The following TMEM178B variants were observed in gnomAD, a reference collection of about 807,000 sequenced individuals.
TMEM178B encodes the protein transmembrane protein 178B.
A neutral mutation model predicts 31.0 loss-of-function variants in TMEM178B; 5 were observed. The ratio of observed to expected loss-of-function variants is 0.16; its 90% CI spans 0.08 to 0.34. The LOEUF is 0.34. Among genes scored for constraint, TMEM178B ranks in the 10% least tolerant of loss-of-function variants. TMEM178B has a pLI of 1.00. For synonymous variants in TMEM178B, 164 were observed against 164.0 expected (o/e 1.00, Z 0.00); for missense variants, 275 against 400.3 (o/e 0.69, Z 2.67).
chr7:141,409,772 G>C (rs963340457), intron 2 of TMEM178B, among the ~76,000 whole-genome samples: 3 of 150,124 alleles, frequency 2.0e-5, no homozygotes, highest in Non-Finnish European at 3.0e-5. Flanking sequence ...TCATGCACTT[G>C]ATATTCCATC....
Position 141,469,881 on chromosome 7 carries a change from G to A in TMEM178B, c.635-655G>A, listed in dbSNP as rs115256438. Reference sequence around the variant, plus strand: ...GTAGATGAGTTACCTTAATATTAACGTGGATGATGCGTGTTCATGGGTGAG... The same window carrying A: ...GTAGATGAGTTACCTTAATATTAACATGGATGATGCGTGTTCATGGGTGAG... On this transcript the variant is annotated intron_variant, in intron 3 of 3. Coordinates refer to ENST00000565468, the MANE Select transcript of TMEM178B (RefSeq NM_001195278.2). Among the ~76,000 whole-genome samples, 644 of 152,140 alleles carry A rather than the reference G, an allele frequency of 4.2e-3. 3 individuals carry two copies. Among genetic ancestry groups the A allele is most frequent in the African/African-American group, 0.015 (618 of 41,410 alleles).
intron 1 of TMEM178B, among the ~76,000 whole-genome samples, chr7:141,100,022 T>C (rs1474134544): frequency 6.6e-6 from 1 of 152,092 alleles, no homozygotes; most frequent in Non-Finnish European, 1.5e-5. Context: ...GGTTTCACCA[T>C]GTTAGCCAGG....
intron 2 of TMEM178B, among the ~76,000 whole-genome samples, chr7:141,380,386 T>G (rs892858694): frequency 2.6e-5 from 4 of 152,238 alleles, no homozygotes; most frequent in African/African-American, 7.2e-5. Flanking sequence ...TTCTGCAGCT[T>G]TAGAAAATGA....
intron 1 of TMEM178B, among the ~76,000 whole-genome samples, chr7:141,143,494 T>G (rs1795807060): frequency 6.6e-6 from 1 of 152,198 alleles, no homozygotes; most frequent in African/African-American, 2.4e-5. Flanking sequence ...CATTGCTTAT[T>G]TTTGTTGACT....
At chr7:141,383,677 A>G (rs932560787) in intron 2 of TMEM178B, among the ~76,000 whole-genome samples, 1 of 152,204 alleles carries the variant, frequency 6.6e-6, no homozygotes, top group African/African-American at 2.4e-5. Flanking sequence ...CACAATAAAC[A>G]TACGTGTGCT....
At chr7:141,399,690 AT>A (rs944351016) in intron 2 of TMEM178B, among the ~76,000 whole-genome samples, 3 of 152,172 alleles carry the variant, frequency 2.0e-5, no homozygotes, top group African/African-American at 7.2e-5. Context: ...TATGGGCATC[AT>A]TTTGTTCGCC....
At chr7:141,249,113 TC>T (rs1797787115) in intron 2 of TMEM178B, among the ~76,000 whole-genome samples, 1 of 152,124 alleles carries the variant, frequency 6.6e-6, no homozygotes, top group Non-Finnish European at 1.5e-5. Flanking sequence ...TTTGACTGTG[TC>T]CCCACCCAAA....
At chr7:141,434,733 A>G (rs1156613671) in intron 2 of TMEM178B, among the ~76,000 whole-genome samples, 2 of 152,092 alleles carry the variant, frequency 1.3e-5, no homozygotes, top group Admixed American at 6.5e-5. Flanking sequence ...ATTTCTTCTA[A>G]CTGTATGTTT....
chr7:141,136,508 A>C (rs542797086), intron 1 of TMEM178B, among the ~76,000 whole-genome samples: 2 of 152,328 alleles, frequency 1.3e-5, no homozygotes, highest in South Asian at 4.1e-4. Flanking sequence ...AACAAAACAA[A>C]ACCAAAAACA....
chr7:141,195,932 A>C (rs868736688), intron 1 of TMEM178B, among the ~76,000 whole-genome samples: 4 of 152,126 alleles, frequency 2.6e-5, no homozygotes, highest in Non-Finnish European at 5.9e-5. Context: ...ACTCACTATC[A>C]CAAGAATAGC....
At chr7:141,303,881 T>C (rs1798768951) in intron 2 of TMEM178B, among the ~76,000 whole-genome samples, 1 of 152,178 alleles carries the variant, frequency 6.6e-6, no homozygotes, top group African/African-American at 2.4e-5. Context: ...ATGCAACATA[T>C]TGCTCTATGT....
Position 141,215,337 on chromosome 7 carries a change from A to ATTATTATTATTATTATTTTT in TMEM178B, c.496+2635_496+2636insATTATTATTATTATTTTTTT, listed in dbSNP as rs55726735. 5.3e-3 allele frequency among the ~76,000 whole-genome samples: 748 copies of ATTATTATTATTATTATTTTT among 141,542 alleles called. 7 individuals carry two copies. Among genetic ancestry groups the ATTATTATTATTATTATTTTT allele is most frequent in the Non-Finnish European group, 8.7e-3 (564 of 65,186 alleles). 92.9% of individuals were successfully genotyped at this position (141,542 alleles called of 152,430 possible). A position where few individuals can be genotyped will look rare whatever the true frequency, so the allele number is the denominator to read the frequency against. ...CATCTTTATTATTATTATTATTATT[A>ATTATTATTATTATTATTTTT]TTTTTTGAGATGGAGTCTCACTCTG... is the stretch of plus-strand genomic sequence containing the variant. On this transcript the variant is annotated intron_variant, in intron 2 of 3. Transcript: ENST00000565468.
intron 2 of TMEM178B, among the ~76,000 whole-genome samples, chr7:141,285,456 C>A (rs1230912073): frequency 2.0e-5 from 3 of 151,900 alleles, no homozygotes; most frequent in Non-Finnish European, 4.4e-5. Context: ...CTGCGCCTGG[C>A]CAATTCAGGG....
At chr7:141,339,089 C>A (rs889177765) in intron 2 of TMEM178B, among the ~76,000 whole-genome samples, 1 of 152,150 alleles carries the variant, frequency 6.6e-6, no homozygotes, top group Non-Finnish European at 1.5e-5. Flanking sequence ...ATGTAGTGTG[C>A]ATTGTAAATT....
chr7:141,336,628 A>G (rs1799393006), intron 2 of TMEM178B, among the ~76,000 whole-genome samples: 1 of 152,022 alleles, frequency 6.6e-6, no homozygotes, highest in Non-Finnish European at 1.5e-5. Flanking sequence ...TGATATCAAT[A>G]GGACGCTATG....
chr7:141,340,059 A>T (rs1799490624), intron 2 of TMEM178B, among the ~76,000 whole-genome samples: 1 of 152,254 alleles, frequency 6.6e-6, no homozygotes, highest in South Asian at 2.1e-4. Flanking sequence ...TGAACATGTT[A>T]TCTTACATGG....
chr7:141,145,356 G>A (rs116497684), intron 1 of TMEM178B, among the ~76,000 whole-genome samples: 6 of 152,198 alleles, frequency 3.9e-5, no homozygotes, highest in African/African-American at 1.2e-4. Context: ...AGGCCCAGGC[G>A]TGGTAGAGCT....
At position 141,074,170 on chromosome 7, in the gene TMEM178B, G is replaced by T; in HGVS notation, c.-141G>T. On this transcript the variant is annotated 5_prime_UTR_variant, in exon 1 of 4. Transcript: ENST00000565468. The surrounding 1 kb of genome is among the most constrained non-coding windows in gnomAD (Gnocchi z 5.1). The stretch of plus-strand genomic sequence containing the variant: ...GTCCCCGGGCCGTGCTCCGGTAGGC[G>T]GGGGCCGAGGGGGCGCCGCGGCGCG... 8.0e-7 allele frequency: 1 copy of T among 1,244,912 alleles called. No homozygotes were observed. The highest frequency in any genetic ancestry group is 1.1e-6 in the Non-Finnish European group (1 of 945,324). The allele number at this position is 1,244,912 out of a possible 1,614,324, so 77.1% of individuals were successfully genotyped here.
chr7:141,305,243 G>A (rs1357567304), intron 2 of TMEM178B, among the ~76,000 whole-genome samples: 1 of 152,174 alleles, frequency 6.6e-6, no homozygotes, highest in Non-Finnish European at 1.5e-5. Context: ...CCTAGTAATA[G>A]TAGTAAAGCA....
Sources: allele counts gnomAD v4.1 joint callset (sites outside exome capture counted in the v4.1 genomes callset), GRCh38; gene constraint gnomAD v4.1.1; non-coding constraint Gnocchi (gnomAD v3.1); transcripts MANE v1.5; gene names NCBI Gene and HGNC (gene_info 2026-07-23, HGNC 2026-07-21).